SEC31A: variants seen among roughly 807,000 people sequenced by gnomAD.
The protein encoded by SEC31A is SEC31 homolog A, COPII component.
Under a neutral mutation model 151.0 loss-of-function variants are expected in SEC31A, and 70 were observed. That is an observed-to-expected ratio of 0.46 (90% CI 0.38 to 0.57). SEC31A has a LOEUF of 0.57. SEC31A is among the 20% of genes least tolerant of loss of function. The pLI is 0.00. For missense variants in SEC31A, 1,330 were observed against 1,471.2 expected, an observed-to-expected ratio of 0.90 and a Z score of 1.57; for synonymous variants, 475 against 505.9, an observed-to-expected ratio of 0.94 and a Z score of 0.82.
intron 22 of SEC31A, among the ~76,000 whole-genome samples, chr4:82,835,773 T>C (rs66932306): frequency 0.21 from 31,544 of 151,608 alleles, 3,371 homozygotes; most frequent in South Asian, 0.34. Context: ...CCAGCCTGAG[T>C]GACGGAGTGG....
intron 22 of SEC31A, among the ~76,000 whole-genome samples, 174 bp downstream of exon 22, chr4:82,841,966 C>T (rs1198535541): frequency 1.3e-5 from 2 of 150,712 alleles, no homozygotes; most frequent in African/African-American, 4.9e-5. Flanking sequence ...AGAGAGACTC[C>T]ATCACAAAAA....
rs1191963658 is a variant in SEC31A, at chr4:82,874,676, G to A, written c.574C>T (p.Arg192Trp). 8 of 1,613,302 alleles carry A rather than the reference G, an allele frequency of 5.0e-6. No individual in the cohort carries two copies. The highest frequency in any genetic ancestry group is 5.1e-6 in the Non-Finnish European group (6 of 1,179,854). Residue 192 changes from arginine to tryptophan, a missense_variant, in exon 6 of 27, where the codon CGG (arginine) becomes TGG (tryptophan). Arg to Trp is a moderately radical substitution (Grantham distance 101). Coordinates refer to ENST00000395310, the MANE Select transcript of SEC31A (RefSeq NM_001077207.4). ...TTTCTAAGATCCCATACAGTGGCCC[G>A]GCCACTGGGACTGGCTGATGCTAAA... is the stretch of plus-strand genomic sequence containing the variant. ...HILASASPSG[R>W]ATVWDLRKNE...
At chr4:82,877,321 T>C (rs1395059169) in intron 4 of SEC31A, among the ~76,000 whole-genome samples, 1 of 151,940 alleles carries the variant, frequency 6.6e-6, no homozygotes, top group Admixed American at 6.6e-5. Context: ...AAAGGAACTA[T>C]TTAAAATTTT....
At position 82,881,990 on chromosome 4, in the gene SEC31A, AAC is replaced by A. The variant is rs761554953; in HGVS notation, c.-4-52_-4-51del. The A allele has an allele frequency of 3.9e-6, 5 of 1,291,612 alleles. No individual in the cohort carries two copies. The African/African-American group carries it at 7.3e-5, about 19-fold the overall frequency. 80.0% of individuals were successfully genotyped at this position (1,291,612 alleles called of 1,614,324 possible). A position where few individuals can be genotyped will look rare whatever the true frequency, so the allele number is the denominator to read the frequency against. ...ACAGCCTTGAATGACTTGAATGTCT[AAC>A]ACAGAACACAGATATTTTAAATAGA... On this transcript the variant is annotated intron_variant, in intron 1 of 26. Transcript: ENST00000395310.
intron 1 of SEC31A, among the ~76,000 whole-genome samples, chr4:82,889,975 C>T (rs185717960): frequency 1.3e-5 from 2 of 151,956 alleles, no homozygotes; most frequent in Non-Finnish European, 2.9e-5. Flanking sequence ...TGCCTGTAAC[C>T]CCAGCACTTC....
intron 22 of SEC31A, among the ~76,000 whole-genome samples, chr4:82,834,199 T>C (rs1414985938): frequency 6.6e-6 from 1 of 152,158 alleles, no homozygotes; most frequent in East Asian, 1.9e-4. Flanking sequence ...GATTCCCAAC[T>C]ACTAATGCAC....
At chr4:82,893,546 TTTAG>T (rs1212203882), upstream of SEC31A, 1 of 152,224 alleles carries the variant, frequency 6.6e-6, no homozygotes, top group African/African-American at 2.4e-5. Context: ...ATTTCATTGT[TTTAG>T]TTTGTTTCTG....
intron 6 of SEC31A, among the ~76,000 whole-genome samples, chr4:82,873,445 G>A (rs1257136748): frequency 6.6e-6 from 1 of 151,580 alleles, no homozygotes; most frequent in Non-Finnish European, 1.5e-5. Flanking sequence ...AAAAATCAAG[G>A]CAAAATATCT....
intron 1 of SEC31A, among the ~76,000 whole-genome samples, chr4:82,885,240 G>A (rs2125901529): frequency 6.6e-6 from 1 of 152,214 alleles, no homozygotes; most frequent in Non-Finnish European, 1.5e-5. Context: ...GTTAGCTAAG[G>A]ACATTTAAAA....
In SEC31A at chr4:82,857,114, A is replaced by G. The variant is rs747274060; in HGVS notation, c.1719T>C (p.Ile573=). The G allele has an allele frequency of 5.0e-6, 8 of 1,611,280 alleles. No individual in the cohort carries two copies. In the East Asian group the frequency reaches 1.8e-4, roughly 36 times the overall value. The part of the protein sequence containing the change: ...ISVSGDIDGL[I]TQALLTGNFE... Reference sequence around the variant, plus strand: ...AATTGCCCGTCAGCAAAGCCTGAGTAATTAAACCATCAATGTCTGCAACAA... The same window carrying G: ...AATTGCCCGTCAGCAAAGCCTGAGTGATTAAACCATCAATGTCTGCAACAA... Residue 573 remains isoleucine (I), a synonymous_variant, in exon 16 of 27, where the codon ATT becomes ATC. Coordinates refer to ENST00000395310, the MANE Select transcript of SEC31A (RefSeq NM_001077207.4).
intron 10 of SEC31A, 95 bp from the exon 11 acceptor site, chr4:82,864,693 A>C: frequency 1.2e-6 from 1 of 832,932 alleles, no homozygotes. Flanking sequence ...TCTGGATGAA[A>C]TTAGTTGATA....
chr4:82,844,061 A>G (rs1480337600), intron 21 of SEC31A: 2 of 313,614 alleles, frequency 6.4e-6, no homozygotes, highest in African/African-American at 4.3e-5. Context: ...TTGCCTGAAG[A>G]AAAAGAATAT....
At chr4:82,865,993 T>C (rs1017288007) in intron 10 of SEC31A, among the ~76,000 whole-genome samples, 9 of 151,650 alleles carry the variant, frequency 5.9e-5, no homozygotes, top group African/African-American at 2.2e-4. Context: ...TTATGCATTT[T>C]TTACCATTAA....
At chr4:82,873,391 C>T (rs1737191864) in intron 6 of SEC31A, among the ~76,000 whole-genome samples, 1 of 119,790 alleles carries the variant, frequency 8.3e-6, no homozygotes, top group South Asian at 2.4e-4. Flanking sequence ...TTAACACACA[C>T]ACAAGACACA....
At chr4:82,831,984 C>A (rs1190318369) in intron 22 of SEC31A, among the ~76,000 whole-genome samples, 1 of 152,112 alleles carries the variant, frequency 6.6e-6, no homozygotes. Context: ...CCTTACTGCC[C>A]AAAGTAATTT....
chr4:82,866,834 G>A lies in SEC31A; in HGVS notation c.1171C>T (p.Arg391Ter), dbSNP rs752371637. Residue 391 changes from arginine (R) to a stop codon, truncating the protein, a stop_gained, in exon 10 of 27, where the codon CGA (arginine) becomes TGA (stop). Coordinates refer to ENST00000395310, the MANE Select transcript of SEC31A (RefSeq NM_001077207.4). LOFTEE classifies it high-confidence loss of function. The part of the protein sequence containing the change: ...LPLKKPPKWI[R>*]RPVGASFSFG... ...GAAAAAGAAGCACCAACAGGCCTTCGAATCCACTTGGGCGGCTTCTTCAGA... is the reference window on the plus strand; with the variant it reads ...GAAAAAGAAGCACCAACAGGCCTTCAAATCCACTTGGGCGGCTTCTTCAGA... The A allele has an allele frequency of 2.5e-6, 4 of 1,605,040 alleles. No individual in the cohort carries two copies. The highest frequency in any genetic ancestry group is 3.5e-5 in the Admixed American group (2 of 56,960).
At chr4:82,834,306 C>T (rs1349116963) in intron 22 of SEC31A, among the ~76,000 whole-genome samples, 1 of 152,142 alleles carries the variant, frequency 6.6e-6, no homozygotes, top group Non-Finnish European at 1.5e-5. Context: ...TTAGTCAGGT[C>T]AAAACAACAT....
intron 17 of SEC31A, among the ~76,000 whole-genome samples, chr4:82,854,409 C>A: frequency 6.7e-6 from 1 of 149,478 alleles, no homozygotes; most frequent in African/African-American, 2.5e-5. Context: ...TTTTTATATT[C>A]TTATAATTAT....
intron 12 of SEC31A, 182 bp downstream of exon 12, chr4:82,863,136 T>C: frequency 1.9e-6 from 1 of 528,498 alleles, no homozygotes. Context: ...TATTCAAAAC[T>C]CTGGCAACCA....
Sources: gnomAD v4.1 joint callset for allele counts (sites outside exome capture counted in the v4.1 genomes callset) on GRCh38, gnomAD v4.1.1 for gene constraint, MANE v1.5 for transcripts, NCBI Gene and HGNC (gene_info 2026-07-23, HGNC 2026-07-21) for gene names.